The following JAK1 variants were observed in gnomAD, a reference collection of about 807,000 sequenced individuals.
The protein encoded by JAK1 is Janus kinase 1.
Under a neutral mutation model 136.6 loss-of-function variants are expected in JAK1, and 16 were observed. The ratio of observed to expected loss-of-function variants is 0.12; its 90% CI spans 0.08 to 0.18. JAK1 has a LOEUF of 0.18. JAK1 is among the 10% of genes least tolerant of loss of function. The pLI, the probability that JAK1 is intolerant of heterozygous loss-of-function variation, is 1.00. For missense variants in JAK1, 859 were observed against 1,450.1 expected, an observed-to-expected ratio of 0.59 and a Z score of 6.62; for synonymous variants, 492 against 519.5, an observed-to-expected ratio of 0.95 and a Z score of 0.72.
intron 1 of JAK1, among the ~76,000 whole-genome samples, chr1:64,912,492 C>T (rs749522356): frequency 1.3e-5 from 2 of 152,196 alleles, no homozygotes; most frequent in Non-Finnish European, 2.9e-5. Context: ...CCATAACCAA[C>T]GTCTTCTAAA....
chr1:64,990,072 C>CT (rs1437598445), intron 2 of JAK1: 4 of 152,266 alleles, frequency 2.6e-5, no homozygotes, highest in Non-Finnish European at 4.4e-5. Flanking sequence ...CTTTGGGAGG[C>CT]TGAGGCAGGC....
intron 2 of JAK1, among the ~76,000 whole-genome samples, chr1:65,044,136 T>C (rs945338690): frequency 6.6e-6 from 1 of 152,166 alleles, no homozygotes; most frequent in Non-Finnish European, 1.5e-5. Context: ...GGATTACAGG[T>C]GTAAACCACT....
chr1:64,937,078 C>T (rs1017540576), intron 1 of JAK1, among the ~76,000 whole-genome samples: 2 of 150,816 alleles, frequency 1.3e-5, no homozygotes, highest in Non-Finnish European at 2.9e-5. Flanking sequence ...TGGGGCTAAT[C>T]CTCCCCACCC....
At chr1:64,859,488 G>T (rs1227779821) in intron 9 of JAK1, among the ~76,000 whole-genome samples, 1 of 152,158 alleles carries the variant, frequency 6.6e-6, no homozygotes, top group Non-Finnish European at 1.5e-5. Context: ...GATGCAGGTG[G>T]GACAAGGCAT....
chr1:65,053,271 G>A lies in JAK1; in HGVS notation c.-180-8689C>T, dbSNP rs368574477. Among the ~76,000 whole-genome samples the A allele has an allele frequency of 1.6e-4, 25 of 152,086 alleles. 1 individual carries two copies. The highest frequency in any genetic ancestry group is 3.9e-4 in the East Asian group (2 of 5,158). ...CTGAGGCAGGAAAATCGCTTGACCCGGGAGGCGGAGGTTGCAATGAGGCAA... is the reference window on the plus strand; with the variant it reads ...CTGAGGCAGGAAAATCGCTTGACCCAGGAGGCGGAGGTTGCAATGAGGCAA... On this transcript the variant is annotated intron_variant, in intron 1 of 25. Transcript: ENST00000671954.
intron 2 of JAK1, among the ~76,000 whole-genome samples, chr1:65,010,158 C>T (rs1646836598): frequency 3.9e-5 from 6 of 152,176 alleles, no homozygotes; most frequent in Admixed American, 3.9e-4. Context: ...AGTCTAATTG[C>T]CCTCCCCTTG....
rs1352494975 is a variant in JAK1, at chr1:65,031,700, A to G, written c.-78+12780T>C. On this transcript the variant is annotated intron_variant, in intron 2 of 25. Coordinates refer to the JAK1 transcript ENST00000671954. ...AGAATGTCCTTTTTTTCAGCAAATA[A>G]TCTGAAGTGTTTAGGGGTCTCCTAA... 2.6e-5 allele frequency among the ~76,000 whole-genome samples: 4 copies of G among 152,124 alleles called. No homozygotes were observed. In the East Asian group the frequency reaches 5.8e-4, roughly 22 times the overall value.
chr1:65,011,452 A>AAAAC (rs918878912), intron 2 of JAK1, among the ~76,000 whole-genome samples: 5 of 152,184 alleles, frequency 3.3e-5, no homozygotes, highest in African/African-American at 4.8e-5. Context: ...CCTGTCTCAA[A>AAAAC]AAACAAACAA....
At chr1:64,901,635 CTTATAA>C (rs1028804501) in intron 1 of JAK1, among the ~76,000 whole-genome samples, 4 of 152,202 alleles carry the variant, frequency 2.6e-5, no homozygotes, top group Admixed American at 2.0e-4. Context: ...TATTCTCTTA[CTTATAA>C]TTATAATGCC....
Position 64,984,105 on chromosome 1 carries a change from A to G in JAK1, c.-78+60375T>C, listed in dbSNP as rs1054801910. Among the ~76,000 whole-genome samples the G allele has an allele frequency of 7.9e-5, 12 of 152,344 alleles. No individual in the cohort carries two copies. Among genetic ancestry groups the G allele is most frequent in the African/African-American group, 2.6e-4 (11 of 41,572 alleles). ...TGTTTTCATTATTTGGCAAAATTAC[A>G]CTTAAAACATAATATTTATGTAATT... On this transcript the variant is annotated intron_variant, in intron 2 of 25. Coordinates refer to the JAK1 transcript ENST00000671954. The surrounding 1 kb of genome is among the most constrained non-coding windows in gnomAD (Gnocchi z 4.1).
intron 1 of JAK1, among the ~76,000 whole-genome samples, chr1:64,929,937 T>C (rs1393551894): frequency 6.6e-6 from 1 of 152,164 alleles, no homozygotes; most frequent in South Asian, 2.1e-4. Flanking sequence ...GGGGAAAGGA[T>C]TCCCTATTTA....
At chr1:64,971,771 C>T (rs142398799) in intron 2 of JAK1, among the ~76,000 whole-genome samples, 4,375 of 152,238 alleles carry the variant, frequency 0.029, 219 homozygotes, top group African/African-American at 0.099. Context: ...GTTGGCCAGG[C>T]TGGTCTCAAA....
intron 1 of JAK1, among the ~76,000 whole-genome samples, chr1:65,054,138 A>G (rs151044644): frequency 2.9e-3 from 434 of 152,222 alleles, no homozygotes; most frequent in Middle Eastern, 0.014. Context: ...CTAATAAAAC[A>G]TGTGATCCCT....
chr1:64,882,765 A>G (rs1644793697), intron 3 of JAK1, among the ~76,000 whole-genome samples: 1 of 152,202 alleles, frequency 6.6e-6, no homozygotes, highest in Admixed American at 6.5e-5. Context: ...ACTAAGCCAC[A>G]AAGCAACACT....
intron 1 of JAK1, among the ~76,000 whole-genome samples, chr1:64,947,594 A>G (rs1646010078): frequency 6.6e-6 from 1 of 150,622 alleles, no homozygotes; most frequent in African/African-American, 2.4e-5. Context: ...TCCTCCCCCA[A>G]CCCCCTTAAG....
At chr1:64,954,367 T>C (rs1209494614) in intron 1 of JAK1, among the ~76,000 whole-genome samples, 1 of 152,132 alleles carries the variant, frequency 6.6e-6, no homozygotes, top group East Asian at 1.9e-4. Flanking sequence ...TAAAAGCTAA[T>C]AAATAGTCTC....
intron 1 of JAK1, among the ~76,000 whole-genome samples, chr1:65,067,141 G>A (rs1407016983): frequency 6.6e-6 from 1 of 151,552 alleles, no homozygotes; most frequent in East Asian, 2.0e-4. Flanking sequence ...GCGGAGGCCC[G>A]GCCCGGCCCG....
intron 2 of JAK1, among the ~76,000 whole-genome samples, chr1:65,032,141 T>C (rs1324272568): frequency 6.6e-6 from 1 of 152,024 alleles, no homozygotes; most frequent in Non-Finnish European, 1.5e-5. Flanking sequence ...AATTTTTGTA[T>C]TTTTAGTAGA....
intron 2 of JAK1, chr1:64,972,171 C>T (rs538071783): frequency 1.3e-5 from 2 of 152,304 alleles, no homozygotes; most frequent in East Asian, 3.9e-4. Flanking sequence ...ACCTACTCTT[C>T]CACATGCACA....
Sources: allele counts gnomAD v4.1 joint callset (sites outside exome capture counted in the v4.1 genomes callset), GRCh38; gene constraint gnomAD v4.1.1; non-coding constraint Gnocchi (gnomAD v3.1); transcripts MANE v1.5; gene names NCBI Gene and HGNC (gene_info 2026-07-23, HGNC 2026-07-21).